Variants in FUS observed in about 807,000 individuals in gnomAD.
FUS encodes RNA-binding protein FUS.
FUS carries 5 observed loss-of-function variants against 82.7 expected under a neutral mutation model. The observed-to-expected ratio is 0.06, with a 90% confidence interval of 0.03 to 0.13. FUS has a LOEUF of 0.13. Among genes scored for constraint, FUS ranks in the 10% least tolerant of loss-of-function variants. The pLI is 1.00. For synonymous variants in FUS, 281 were observed against 247.4 expected, an observed-to-expected ratio of 1.14 and a Z score of -1.27; for missense variants, 512 against 707.8, an observed-to-expected ratio of 0.72 and a Z score of 3.14.
chr16:31,193,742 C>T, downstream of FUS: 2 of 532,092 alleles, frequency 3.8e-6, no homozygotes, highest in South Asian at 1.5e-5. Context: ...AAGCCAACCT[C>T]CCACCTCAGC....
intron 6 of FUS, chr16:31,186,568 C>CGT (rs2079273377): frequency 1.7e-6 from 1 of 579,672 alleles, no homozygotes; most frequent in Admixed American, 3.0e-5. Flanking sequence ...AAATAGATAA[C>CGT]GTAACCTTTT....
At chr16:31,193,421 A>G, downstream of FUS, 1 of 527,690 alleles carries the variant, frequency 1.9e-6, no homozygotes, top group Non-Finnish European at 3.7e-6. Context: ...GTTTAGTTGA[A>G]ATGGCCTGAT....
chr16:31,187,426 A>T (rs1209359980), intron 7 of FUS: 1 of 234,428 alleles, frequency 4.3e-6, no homozygotes, highest in Admixed American at 5.2e-5. Context: ...AAAGATTGGA[A>T]GCATGTGTGG....
At chr16:31,185,697 T>G (rs1357695004) in intron 6 of FUS, 1 of 423,596 alleles carries the variant, frequency 2.4e-6, no homozygotes, top group Non-Finnish European at 4.8e-6. Flanking sequence ...CGACATTGAT[T>G]TTGTGTGTGA....
At chr16:31,193,784 T>G (rs911081869), downstream of FUS, 1 of 526,042 alleles carries the variant, frequency 1.9e-6, no homozygotes. Context: ...AGGTGCTTCC[T>G]CGCTACCACA....
At chr16:31,193,371 G>A (rs1429740316), downstream of FUS, 1 of 525,694 alleles carries the variant, frequency 1.9e-6, no homozygotes, top group Non-Finnish European at 3.7e-6. Flanking sequence ...GGATGTGGCA[G>A]TTCTCTCCGT....
Position 31,184,939 on chromosome 16 carries a change from G to A in FUS, c.524G>A (p.Gly175Asp). The A allele has an allele frequency of 1.2e-6, 2 of 1,612,460 alleles. No individual in the cohort carries two copies. Among genetic ancestry groups the A allele is most frequent in the Non-Finnish European group, 1.7e-6 (2 of 1,179,384 alleles). The stretch of plus-strand genomic sequence containing the variant: ...TTAATCATTCTTTCTTTTCTCACAG[G>A]TAACTATGGCCAAGATCAATCCTCC... ...SGGGGGGGGG[G>D]NYGQDQSSMS... Residue 175 changes from glycine to aspartate, a missense_variant and splice_region_variant, in exon 6 of 15, where the codon GGT becomes GAT. Physicochemically the swap from Gly to Asp is moderately conservative, Grantham distance 94 (BLOSUM62 -1). Around this residue, in one of 6 missense-constraint regions of FUS, gnomAD observed 276 missense variants for 303.3 expected, o/e 0.91. Transcript: ENST00000254108.
chr16:31,183,849 T>C lies in FUS; in HGVS notation c.191-9T>C, dbSNP rs775429180. The stretch of plus-strand genomic sequence containing the variant: ...GGCTTTTGTGACTCCCTTTTTCTTA[T>C]CCTGGTAGCAGGCTATGGAACTCAG... On this transcript the variant is annotated splice_polypyrimidine_tract_variant and intron_variant, in intron 3 of 14. Coordinates refer to ENST00000254108, the MANE Select transcript of FUS (RefSeq NM_004960.4). The C allele has an allele frequency of 4.3e-6, 7 of 1,614,090 alleles. No individual in the cohort carries two copies. The highest frequency in any genetic ancestry group is 3.3e-5 in the South Asian group (3 of 91,090).
At chr16:31,185,384 C>T (rs2079252963) in intron 6 of FUS, 4 of 640,730 alleles carry the variant, frequency 6.2e-6, no homozygotes, top group African/African-American at 3.7e-5. Flanking sequence ...CCATCCATAC[C>T]ACTGAATAGA....
chr16:31,187,382 T>C (rs1424627177), intron 7 of FUS: 6 of 238,372 alleles, frequency 2.5e-5, no homozygotes, highest in Non-Finnish European at 5.0e-5. Context: ...AAATAGAAAC[T>C]AGCTCTGGGA....
At chr16:31,182,449 G>C (rs371898776) in intron 2 of FUS, 27 bp downstream of exon 2, 32 of 1,614,106 alleles carry the variant, frequency 2.0e-5, no homozygotes, top group Non-Finnish European at 2.5e-5. Context: ...GGCTTCCAGA[G>C]TTTGTAGAGG....
At chr16:31,190,475 G>C in intron 12 of FUS, 77 bp downstream of exon 12, 1 of 1,600,604 alleles carries the variant, frequency 6.2e-7, no homozygotes, top group Non-Finnish European at 8.6e-7. Context: ...GTATGTGCGT[G>C]TTTTCCAAAG....
intron 3 of FUS, 128 bp downstream of exon 3, chr16:31,182,792 C>G (rs1413599942): frequency 8.7e-7 from 1 of 1,149,068 alleles, no homozygotes; most frequent in Non-Finnish European, 1.3e-6. Context: ...TCTCAGCTCA[C>G]TGCAACATCA....
rs764811739 is a variant in FUS, at chr16:31,191,442, G to A, written c.*4G>A. On this transcript the variant is annotated 3_prime_UTR_variant, in exon 15 of 15. Transcript: ENST00000254108. ...TCGCAGGGAGAGGCCGTATTAATTA[G>A]CCTGGCTCCCCAGGTTCTGGAACAG... 5 of 1,612,480 alleles carry A rather than the reference G, an allele frequency of 3.1e-6. 1 individual carries two copies. The highest frequency in any genetic ancestry group is 4.2e-6 in the Non-Finnish European group (5 of 1,179,646).
chr16:31,183,801 C>T (rs918735560), intron 3 of FUS, 57 bp from the exon 4 acceptor site: 12 of 1,606,048 alleles, frequency 7.5e-6, no homozygotes, highest in African/African-American at 6.7e-5. Flanking sequence ...TTAACCCATT[C>T]CTTACATTTT....
downstream of FUS, chr16:31,192,264 A>C (rs1262815326): frequency 1.9e-6 from 1 of 526,634 alleles, no homozygotes; most frequent in East Asian, 4.0e-5. Flanking sequence ...GGAGGGTGGA[A>C]GGCCCTCCTA....
intron 3 of FUS, chr16:31,182,975 C>A (rs565803379): frequency 1.0e-5 from 4 of 399,656 alleles, no homozygotes; most frequent in Non-Finnish European, 1.9e-5. Flanking sequence ...TGCCAAAGTG[C>A]TGGGATTACA....
At chr16:31,189,486 C>T (rs2079320108) in intron 9 of FUS, among the ~76,000 whole-genome samples, 179 bp from the exon 10 acceptor site, 1 of 152,042 alleles carries the variant, frequency 6.6e-6, no homozygotes, top group Non-Finnish European at 1.5e-5. Context: ...TTTTATCTTT[C>T]AATATTGGAG....
Position 31,182,614 on chromosome 16 carries a change from C to G in FUS, c.140C>G (p.Thr47Ser), listed in dbSNP as rs1300722518. ...SYSGYSQSTD[T>S]SGYGQSSYSS... ...AGTGGTTATAGCCAGTCCACGGACA[C>G]TTCAGGCTATGGCCAGAGCAGCTAT... Residue 47 changes from threonine to serine, a missense_variant, in exon 3 of 15, where the codon ACT becomes AGT. By Grantham distance (58) the Thr-to-Ser change is moderately conservative (BLOSUM62 1). This residue lies in a region of FUS where 276 missense variants were observed against 303.3 expected (regional missense o/e 0.91). Coordinates refer to ENST00000254108, the MANE Select transcript of FUS (RefSeq NM_004960.4). 1.2e-6 allele frequency: 2 copies of G among 1,614,216 alleles called. No individual in the cohort carries two copies. The highest frequency in any genetic ancestry group is 2.2e-5 in the South Asian group (2 of 91,084).
Sources: gnomAD v4.1 joint callset for allele counts (sites outside exome capture counted in the v4.1 genomes callset) on GRCh38, gnomAD v4.1.1 for gene constraint, gnomAD v4.1.1 regional missense constraint, MANE v1.5 for transcripts, NCBI Gene and HGNC (gene_info 2026-07-23, HGNC 2026-07-21) for gene names.